IQANK1: variants seen among roughly 807,000 people sequenced by gnomAD.
The protein encoded by IQANK1 is IQ motif and ankyrin repeat domain-containing protein 1.
In IQANK1, 30 loss-of-function variants were observed where a neutral mutation model predicts 22.6. That is an observed-to-expected ratio of 1.33 (90% confidence interval 0.99 to 1.80). The LOEUF is 1.80. IQANK1 is among the 40% of genes most tolerant of loss of function. IQANK1 has a pLI of 0.00. For missense variants in IQANK1, 275 were observed against 235.2 expected (o/e 1.17, Z -1.11); for synonymous variants, 122 against 99.6 (o/e 1.23, Z -1.34).
intron 3 of IQANK1, among the ~76,000 whole-genome samples, chr8:143,749,515 AAAT>A (rs1189815172): frequency 7.4e-6 from 1 of 135,210 alleles, no homozygotes; most frequent in Admixed American, 7.6e-5. Flanking sequence ...AAATATATAA[AAAT>A]ATATATCACA....
chr8:143,736,888 G>A (rs1379477615), intron 2 of IQANK1, among the ~76,000 whole-genome samples: 1 of 151,630 alleles, frequency 6.6e-6, no homozygotes, highest in Admixed American at 6.6e-5. Flanking sequence ...TTGCAAATCT[G>A]GGGTCCTTCA....
At position 143,739,845 on chromosome 8, in the gene IQANK1, T is replaced by A. The variant is rs1554626191; in HGVS notation, c.86-14T>A. 5.8e-6 allele frequency: 4 copies of A among 690,184 alleles called. No homozygotes were observed. The South Asian group carries it at 6.1e-5, about 11-fold the overall frequency. 42.8% of individuals were successfully genotyped at this position (690,184 alleles called of 1,614,324 possible). A position where few individuals can be genotyped will look rare whatever the true frequency, so the allele number is the denominator to read the frequency against. On this transcript the variant is annotated splice_polypyrimidine_tract_variant and intron_variant, in intron 2 of 13. Transcript: ENST00000527139. ...TCTCTCATCCCAAGCTCACTGACGG[T>A]CGTTTTCCCTTAGGGAAGCCCGGGG...
chr8:143,748,840 AAT>A (rs531131696), intron 3 of IQANK1, among the ~76,000 whole-genome samples: 1 of 115,132 alleles, frequency 8.7e-6, no homozygotes, highest in African/African-American at 3.8e-5. Context: ...TTCATATATA[AAT>A]ATATAAATAT....
Position 143,761,097 on chromosome 8 carries a change from G to A in IQANK1, c.176-10391G>A, listed in dbSNP as rs189387544. On this transcript the variant is annotated intron_variant, in intron 3 of 13. Coordinates refer to ENST00000527139, the MANE Select transcript of IQANK1 (RefSeq NM_001381874.1). ...TGCGGGTTTCGCCGGGAGCAGCAGA[G>A]CGCGGAGCGGAGACTCCTGGGGCGC... Among the ~76,000 whole-genome samples, 243 of 152,336 alleles carry A rather than the reference G, an allele frequency of 1.6e-3. 4 individuals carry two copies. Among genetic ancestry groups the A allele is most frequent in the East Asian group, 0.015 (76 of 5,174 alleles).
At chr8:143,773,542 C>T (rs1291488397) in intron 7 of IQANK1, among the ~76,000 whole-genome samples, 2 of 152,068 alleles carry the variant, frequency 1.3e-5, no homozygotes, top group Non-Finnish European at 2.9e-5. Context: ...CCCCACCCCA[C>T]CCCTAACCTC....
chr8:143,743,446 G>A (rs1164176577), intron 3 of IQANK1, among the ~76,000 whole-genome samples: 8 of 151,988 alleles, frequency 5.3e-5, no homozygotes, highest in East Asian at 3.9e-4. Flanking sequence ...TCTTTTTTTC[G>A]TCTTTACAAT....
chr8:143,744,930 G>C (rs1554627068), intron 3 of IQANK1: 1 of 152,262 alleles, frequency 6.6e-6, no homozygotes, highest in African/African-American at 2.4e-5. Flanking sequence ...GTAAACAGAG[G>C]GGTGTGGTGA....
Position 143,772,154 on chromosome 8 carries a change from G to A in IQANK1, c.574G>A (p.Gly192Arg), listed in dbSNP as rs890041553. The change falls in exon 6 of 14, where the codon GGG becomes AGG. Residue 192 changes from glycine (G) to arginine (R), a missense_variant. By Grantham distance (125) the Gly-to-Arg change is moderately radical (BLOSUM62 -2). Transcript: ENST00000527139. ...TCTGGCGGAGTGCGAGGACAGCTAC[G>A]GGAACACGCCGCTGTCGGAGGCGGC... Reference protein sequence around the residue: ...VALAECEDSYGNTPLSEAAAG... With the variant: ...VALAECEDSYRNTPLSEAAAG... 1.5e-5 allele frequency: 6 copies of A among 394,652 alleles called. No homozygotes were observed. The highest frequency in any genetic ancestry group is 4.1e-5 in the African/African-American group (2 of 48,388). 24.4% of individuals were successfully genotyped at this position (394,652 alleles called of 1,614,324 possible).
chr8:143,765,003 A>G (rs544943961), intron 3 of IQANK1, among the ~76,000 whole-genome samples: 2 of 152,324 alleles, frequency 1.3e-5, no homozygotes, highest in Admixed American at 6.5e-5. Context: ...TGTGTTCACC[A>G]TTCCCTTACT....
chr8:143,748,416 T>C (rs1458929298), intron 3 of IQANK1, among the ~76,000 whole-genome samples: 2 of 146,414 alleles, frequency 1.4e-5, no homozygotes, highest in Non-Finnish European at 1.5e-5. Context: ...TTGTGTTGGC[T>C]TTTGCTTCAT....
intron 3 of IQANK1, among the ~76,000 whole-genome samples, chr8:143,746,805 A>C (rs955721285): frequency 2.0e-5 from 3 of 152,084 alleles, no homozygotes; most frequent in Admixed American, 1.3e-4. Flanking sequence ...TGTCCACTTC[A>C]TCTAGGTCAC....
At chr8:143,734,800 T>G (rs1818683647) in intron 1 of IQANK1, among the ~76,000 whole-genome samples, 1 of 151,634 alleles carries the variant, frequency 6.6e-6, no homozygotes, top group Non-Finnish European at 1.5e-5. Flanking sequence ...AGGGACCCAG[T>G]GTGCACACCA....
intron 7 of IQANK1, among the ~76,000 whole-genome samples, chr8:143,776,472 C>T (rs1819689517): frequency 1.3e-5 from 2 of 151,916 alleles, no homozygotes; most frequent in Admixed American, 1.3e-4. Flanking sequence ...GGCAACAAAT[C>T]AGAAAGAGAT....
At chr8:143,772,687 C>T (rs1412003946) in intron 7 of IQANK1, among the ~76,000 whole-genome samples, 1 of 152,192 alleles carries the variant, frequency 6.6e-6, no homozygotes, top group Non-Finnish European at 1.5e-5. Context: ...CTAGCCCCGC[C>T]GTGCGCCATT....
intron 3 of IQANK1, among the ~76,000 whole-genome samples, chr8:143,770,245 C>G (rs1392022490): frequency 6.6e-6 from 1 of 152,226 alleles, no homozygotes; most frequent in African/African-American, 2.4e-5. Context: ...CCTTTGTTTT[C>G]TGGGATTTTT....
At chr8:143,752,389 T>G (rs1819213198) in intron 3 of IQANK1, among the ~76,000 whole-genome samples, 1 of 152,234 alleles carries the variant, frequency 6.6e-6, no homozygotes, top group Non-Finnish European at 1.5e-5. Flanking sequence ...CTCTTGCTAC[T>G]TTCAGGATTC....
At position 143,790,426 on chromosome 8, in the gene IQANK1, C is replaced by G. The variant is rs1466862771; in HGVS notation, c.1501C>G (p.Gln501Glu). Residue 501 changes from glutamine (Q) to glutamate (E), a missense_variant, in exon 14 of 14, where the codon CAG becomes GAG. Coordinates refer to ENST00000527139, the MANE Select transcript of IQANK1 (RefSeq NM_001381874.1). ...PVVQRQLEAVQERYLSLLRPT... is the reference protein window; with the variant it reads ...PVVQRQLEAVEERYLSLLRPT... ...CGTGCAGCGGCAGCTGGAGGCGGTGCAGGAGAGGTACCTGTCGCTGCTGCG... is the reference window on the plus strand; with the variant it reads ...CGTGCAGCGGCAGCTGGAGGCGGTGGAGGAGAGGTACCTGTCGCTGCTGCG... The G allele has an allele frequency of 9.5e-6, 6 of 629,452 alleles. No individual in the cohort carries two copies. The highest frequency in any genetic ancestry group is 1.4e-5 in the Non-Finnish European group (6 of 437,700). The allele number at this position is 629,452 out of a possible 1,614,324, so 39.0% of individuals were successfully genotyped here.
intron 2 of IQANK1, among the ~76,000 whole-genome samples, chr8:143,737,915 A>G (rs1818785949): frequency 6.6e-6 from 1 of 152,216 alleles, no homozygotes; most frequent in South Asian, 2.1e-4. Flanking sequence ...TTCGGGGCCC[A>G]GGGCCGGCAT....
chr8:143,772,380 G>A lies in IQANK1; in HGVS notation c.687G>A (p.Leu229=), dbSNP rs1819596786. The change falls in exon 7 of 14, where the codon CTG becomes CTA. Residue 229 remains leucine (L), a synonymous_variant. Coordinates refer to ENST00000527139, the MANE Select transcript of IQANK1 (RefSeq NM_001381874.1). Reference sequence around the variant, plus strand: ...AGGGCGCTTTCGGTCCGACGCCGCTGTACCGTGCAGCCTTTGGGGGCCACC... The same window carrying A: ...AGGGCGCTTTCGGTCCGACGCCGCTATACCGTGCAGCCTTTGGGGGCCACC... ...NSKGAFGPTP[L]YRAAFGGHLA... 1 of 399,500 alleles carries A rather than the reference G, an allele frequency of 2.5e-6. No individual in the cohort carries two copies. The allele number at this position is 399,500 out of a possible 1,614,324, so 24.7% of individuals were successfully genotyped here.
Sources: gnomAD v4.1 joint callset for allele counts (sites outside exome capture counted in the v4.1 genomes callset) on GRCh38, gnomAD v4.1.1 for gene constraint, MANE v1.5 for transcripts, NCBI Gene and HGNC (gene_info 2026-07-23, HGNC 2026-07-21) for gene names.